Variants in SGCD observed in about 807,000 individuals in gnomAD.
SGCD encodes the protein delta-sarcoglycan.
Under a neutral mutation model 36.6 loss-of-function variants are expected in SGCD, and 18 were observed. The ratio of observed to expected loss-of-function variants is 0.49; its 90% CI spans 0.34 to 0.73. SGCD has a LOEUF of 0.73. Among genes scored for constraint, SGCD ranks in the 30% least tolerant of loss-of-function variants. The pLI is 0.01. For synonymous variants in SGCD, 133 were observed against 130.6 expected (o/e 1.02, Z -0.12); for missense variants, 387 against 346.7 (o/e 1.12, Z -0.92).
At chr5:155,989,580 C>T (rs971999748) in intron 1 of SGCD, among the ~76,000 whole-genome samples, 1 of 152,000 alleles carries the variant, frequency 6.6e-6, no homozygotes, top group African/African-American at 2.4e-5. Context: ...TTGAGTGCTA[C>T]CAAGTGGAAT....
intron 3 of SGCD, among the ~76,000 whole-genome samples, chr5:156,445,148 G>T (rs1753707337): frequency 6.6e-6 from 1 of 152,080 alleles, no homozygotes; most frequent in East Asian, 1.9e-4. Flanking sequence ...CCTAGAAACT[G>T]CTGGTTTCCA....
intron 3 of SGCD, among the ~76,000 whole-genome samples, chr5:156,234,341 G>A (rs1416244901): frequency 1.3e-5 from 2 of 151,982 alleles, no homozygotes; most frequent in Non-Finnish European, 2.9e-5. Flanking sequence ...TGTCTTTTCA[G>A]TCTCTTAACC....
chr5:156,399,707 T>C (rs1015690846), intron 3 of SGCD, among the ~76,000 whole-genome samples: 1 of 152,158 alleles, frequency 6.6e-6, no homozygotes, highest in East Asian at 1.9e-4. Flanking sequence ...CCCTTGTTAA[T>C]GTGCCCTGCC....
intron 1 of SGCD, among the ~76,000 whole-genome samples, chr5:155,905,372 A>G (rs1311595693): frequency 6.6e-6 from 1 of 152,094 alleles, no homozygotes; most frequent in African/African-American, 2.4e-5. Context: ...TTGGAGATGT[A>G]TATTGAGTGA....
At chr5:156,585,863 A>G (rs191781207) in intron 4 of SGCD, among the ~76,000 whole-genome samples, 2 of 152,268 alleles carry the variant, frequency 1.3e-5, no homozygotes, top group African/African-American at 4.8e-5. Context: ...CAATTATATA[A>G]TAAAAAAACT....
At chr5:156,239,420 A>AAG (rs1561579491) in intron 3 of SGCD, among the ~76,000 whole-genome samples, 1 of 150,698 alleles carries the variant, frequency 6.6e-6, no homozygotes, top group African/African-American at 2.5e-5. Flanking sequence ...AAAAAAAAAA[A>AAG]ATTAGATTTG....
chr5:155,957,115 T>G (rs1757678284), intron 1 of SGCD, among the ~76,000 whole-genome samples: 1 of 78,410 alleles, frequency 1.3e-5, no homozygotes, highest in Non-Finnish European at 2.2e-5. Context: ...TCACTGAGAA[T>G]GACATTTGAT....
At chr5:155,824,374 C>T in the SGCD span, among the ~76,000 whole-genome samples, 1 of 152,052 alleles carries the variant, frequency 6.6e-6, no homozygotes, top group African/African-American at 2.4e-5. Flanking sequence ...GGGTTAAGCA[C>T]TCAATAAATG....
chr5:156,038,098 C>T (rs577076839), intron 1 of SGCD, among the ~76,000 whole-genome samples: 3 of 152,138 alleles, frequency 2.0e-5, no homozygotes, highest in African/African-American at 7.2e-5. Flanking sequence ...GGATAGAGAC[C>T]AGGGAAATTA....
intron 7 of SGCD, among the ~76,000 whole-genome samples, chr5:156,719,559 T>C (rs1021681055): frequency 4.6e-5 from 7 of 152,094 alleles, no homozygotes; most frequent in African/African-American, 1.7e-4. Context: ...ATCTAGCACA[T>C]TAATAATTAT....
chr5:155,742,291 A>C, the SGCD span, among the ~76,000 whole-genome samples: 1 of 152,216 alleles, frequency 6.6e-6, no homozygotes, highest in African/African-American at 2.4e-5. Flanking sequence ...TTCTATTTTT[A>C]ATTCAATTGT....
intron 3 of SGCD, among the ~76,000 whole-genome samples, chr5:156,460,513 T>C (rs2127816715): frequency 6.6e-6 from 1 of 152,260 alleles, no homozygotes; most frequent in South Asian, 2.1e-4. Context: ...CAGTTAGGCA[T>C]GCCACAGACA....
intron 7 of SGCD, among the ~76,000 whole-genome samples, chr5:156,651,523 G>A (rs1561838466): frequency 1.3e-5 from 2 of 152,092 alleles, no homozygotes; most frequent in Non-Finnish European, 2.9e-5. Context: ...CATGTGATTA[G>A]CCAGATATCC....
At chr5:156,580,899 C>G (rs1475139196) in intron 4 of SGCD, among the ~76,000 whole-genome samples, 6 of 152,212 alleles carry the variant, frequency 3.9e-5, no homozygotes, top group Non-Finnish European at 7.3e-5. Context: ...AAGCCTACTT[C>G]TGTCAGCTCT....
At chr5:156,704,202 C>T (rs1754648323) in intron 7 of SGCD, 1 of 152,194 alleles carries the variant, frequency 6.6e-6, no homozygotes. Context: ...CCTGTGGCTT[C>T]CATTCTCAGG....
chr5:155,809,440 C>A, the SGCD span, among the ~76,000 whole-genome samples: 1 of 152,214 alleles, frequency 6.6e-6, no homozygotes, highest in Non-Finnish European at 1.5e-5. Context: ...TCTCGCTAAA[C>A]TTTGAGTTAT....
At chr5:156,167,943 A>C (rs1271086321) in intron 3 of SGCD, among the ~76,000 whole-genome samples, 3 of 152,210 alleles carry the variant, frequency 2.0e-5, no homozygotes, top group Non-Finnish European at 4.4e-5. Flanking sequence ...GGAGGCAATA[A>C]GGTGGAGCAT....
chr5:156,507,583 A>G (rs906761203), intron 3 of SGCD, among the ~76,000 whole-genome samples: 2 of 152,214 alleles, frequency 1.3e-5, no homozygotes, highest in Admixed American at 1.3e-4. Context: ...AGAAAATTGC[A>G]TCTGAATCTG....
chr5:156,531,176 G>A (rs920906817), intron 4 of SGCD, among the ~76,000 whole-genome samples: 8 of 152,152 alleles, frequency 5.3e-5, no homozygotes, highest in African/African-American at 1.9e-4. Flanking sequence ...TCTGCCATGT[G>A]AGGACATAGT....
Sources: allele counts gnomAD v4.1 joint callset (sites outside exome capture counted in the v4.1 genomes callset), GRCh38; gene constraint gnomAD v4.1.1; transcripts MANE v1.5; gene names NCBI Gene and HGNC (gene_info 2026-07-23, HGNC 2026-07-21).